The following RBM25 variants were observed in gnomAD, a reference collection of about 807,000 sequenced individuals.
The protein encoded by RBM25 is RNA binding motif protein 25.
Under a neutral mutation model 120.7 loss-of-function variants are expected in RBM25, and 19 were observed. The ratio of observed to expected loss-of-function variants is 0.16; its 90% CI spans 0.11 to 0.23. RBM25 has a LOEUF of 0.23. RBM25 is among the 10% of genes least tolerant of loss of function. The pLI is 1.00. For missense variants in RBM25, 605 were observed against 1,041.5 expected, an observed-to-expected ratio of 0.58 and a Z score of 5.77; for synonymous variants, 390 against 326.7, an observed-to-expected ratio of 1.19 and a Z score of -2.09.
At chr14:73,063,770 T>G (rs1895062354) in intron 1 of RBM25, among the ~76,000 whole-genome samples, 1 of 151,426 alleles carries the variant, frequency 6.6e-6, no homozygotes, top group Admixed American at 6.6e-5. Context: ...CTTAACACAG[T>G]GGCCAGTGAT....
chr14:73,117,210 C>CTTTTTATTTTTTTTTTTTT (rs1896451123), intron 18 of RBM25, among the ~76,000 whole-genome samples: 1 of 49,424 alleles, frequency 2.0e-5, no homozygotes, highest in African/African-American at 7.6e-5. Flanking sequence ...TTCTTCTTTT[C>CTTTTTATTTTTTTTTTTTT]TTTTTTTTTT....
chr14:73,106,144 T>A (rs1896182484), intron 11 of RBM25, 52 bp from the exon 12 acceptor site: 3 of 1,580,776 alleles, frequency 1.9e-6, no homozygotes, highest in Non-Finnish European at 8.6e-7. Flanking sequence ...AATCAATATT[T>A]ATAGAATGCT....
At chr14:73,073,162 C>T (rs1895334265) in intron 2 of RBM25, among the ~76,000 whole-genome samples, 2 of 152,084 alleles carry the variant, frequency 1.3e-5, no homozygotes, top group East Asian at 1.9e-4. Flanking sequence ...CTTCTGGGGT[C>T]AAGGTATACT....
chr14:73,067,052 G>A (rs182794334), intron 1 of RBM25, among the ~76,000 whole-genome samples: 1 of 149,864 alleles, frequency 6.7e-6, no homozygotes, highest in Non-Finnish European at 1.5e-5. Context: ...TGGAGGTAAA[G>A]TTTGGATACA....
At chr14:73,100,516 G>A (rs1284720760) in intron 9 of RBM25, 2 of 459,282 alleles carry the variant, frequency 4.4e-6, no homozygotes, top group Non-Finnish European at 7.8e-6. Flanking sequence ...CAGTGCATCT[G>A]TGAATGTTCG....
At chr14:73,117,229 T>C (rs1216401887) in intron 18 of RBM25, among the ~76,000 whole-genome samples, 28 of 121,286 alleles carry the variant, frequency 2.3e-4, no homozygotes, top group African/African-American at 2.5e-4. Flanking sequence ...TTTTTTTTTT[T>C]TTTTTTTTTT....
At chr14:73,110,229 C>G (rs1896281517) in intron 14 of RBM25, among the ~76,000 whole-genome samples, 1 of 151,242 alleles carries the variant, frequency 6.6e-6, no homozygotes, top group Non-Finnish European at 1.5e-5. Flanking sequence ...GTTGCCCAGG[C>G]TGGAGTGCAG....
intron 12 of RBM25, 157 bp from the exon 13 acceptor site, chr14:73,107,669 A>G: frequency 3.2e-6 from 2 of 622,220 alleles, no homozygotes; most frequent in Non-Finnish European, 2.8e-6. Flanking sequence ...TGAAACGGCC[A>G]TGTTTGTCTT....
At chr14:73,064,751 C>G (rs763748780) in intron 1 of RBM25, among the ~76,000 whole-genome samples, 12 of 151,224 alleles carry the variant, frequency 7.9e-5, no homozygotes, top group Non-Finnish European at 1.6e-4. Context: ...GTATTTTTGC[C>G]TTCACCTTTG....
intron 1 of RBM25, among the ~76,000 whole-genome samples, chr14:73,063,549 A>G (rs777044456): frequency 6.6e-6 from 1 of 151,460 alleles, no homozygotes; most frequent in Admixed American, 6.6e-5. Flanking sequence ...TCAGTGCCAT[A>G]AGATAACTCT....
chr14:73,097,667 G>T (rs3025763), intron 7 of RBM25, among the ~76,000 whole-genome samples: 3,452 of 152,182 alleles, frequency 0.023, 132 homozygotes, highest in African/African-American at 0.076. Flanking sequence ...TGGTTGTTCT[G>T]TCTCTGTTCT....
intron 1 of RBM25, among the ~76,000 whole-genome samples, chr14:73,071,044 C>A (rs1019477795): frequency 1.3e-5 from 2 of 150,610 alleles, no homozygotes. Flanking sequence ...GAGATGGAGA[C>A]CATCCTGGCC....
In RBM25 at chr14:73,119,619, A is replaced by G. The variant is rs764896813; in HGVS notation, c.2440-94A>G. 57 of 1,571,096 alleles carry G rather than the reference A, an allele frequency of 3.6e-5. No individual in the cohort carries two copies. The Admixed American group carries it at 4.0e-4, about 11-fold the overall frequency. On this transcript the variant is annotated intron_variant, in intron 18 of 18. Coordinates refer to ENST00000261973, the MANE Select transcript of RBM25 (RefSeq NM_021239.3). ...ATTTAAGTAATAAGTGCTTATTGTC[A>G]GTGGATGAAAAACTTTTTTATACTG...
Position 73,097,111 on chromosome 14 carries a change from T to C in RBM25, c.729+11T>C. The C allele has an allele frequency of 4.4e-6, 7 of 1,585,436 alleles. No individual in the cohort carries two copies. Among genetic ancestry groups the C allele is most frequent in the Non-Finnish European group, 6.0e-6 (7 of 1,166,598 alleles). On this transcript the variant is annotated intron_variant, in intron 7 of 18. Coordinates refer to ENST00000261973, the MANE Select transcript of RBM25 (RefSeq NM_021239.3). Reference sequence around the variant, plus strand: ...GAAAAGAAGGAGGACGTATGTGTTCTGACAACAACATATCATTTCTACCGT... The same window carrying C: ...GAAAAGAAGGAGGACGTATGTGTTCCGACAACAACATATCATTTCTACCGT...
intron 1 of RBM25, among the ~76,000 whole-genome samples, chr14:73,066,198 T>G: frequency 6.6e-6 from 1 of 152,204 alleles, no homozygotes; most frequent in East Asian, 1.9e-4. Flanking sequence ...GTTTTTGGTT[T>G]TGGTCAAAAA....
At chr14:73,068,908 A>ATTTTTAT (rs969689641) in intron 1 of RBM25, among the ~76,000 whole-genome samples, 1 of 151,802 alleles carries the variant, frequency 6.6e-6, no homozygotes, top group Non-Finnish European at 1.5e-5. Flanking sequence ...ATAAGACTTT[A>ATTTTTAT]TTTTTATTTT....
chr14:73,112,638 A>C (rs1594935949), intron 17 of RBM25, among the ~76,000 whole-genome samples: 1 of 152,148 alleles, frequency 6.6e-6, no homozygotes, highest in South Asian at 2.1e-4. Flanking sequence ...GGACGTAGCC[A>C]ATATCTTTTC....
chr14:73,062,346 A>C (rs1001637169), intron 1 of RBM25, among the ~76,000 whole-genome samples: 1 of 151,348 alleles, frequency 6.6e-6, no homozygotes, highest in African/African-American at 2.4e-5. Flanking sequence ...CAGACCTGAC[A>C]CATAATTGGA....
At chr14:73,083,389 A>G (rs943897988) in intron 4 of RBM25, 105 bp from the exon 5 acceptor site, 25 of 907,272 alleles carry the variant, frequency 2.8e-5, no homozygotes, top group Middle Eastern at 3.5e-4. Flanking sequence ...CTGGTTTTTT[A>G]TTTTATGTTT....
Sources: allele counts gnomAD v4.1 joint callset (sites outside exome capture counted in the v4.1 genomes callset), GRCh38; gene constraint gnomAD v4.1.1; transcripts MANE v1.5; gene names NCBI Gene and HGNC (gene_info 2026-07-23, HGNC 2026-07-21).